The following SLC4A4 variants were observed in gnomAD, a reference collection of about 807,000 sequenced individuals.
SLC4A4 encodes electrogenic sodium bicarbonate cotransporter 1.
SLC4A4 carries 27 observed loss-of-function variants against 111.5 expected under a neutral mutation model. The observed-to-expected ratio is 0.24, with a 90% confidence interval of 0.18 to 0.33. The LOEUF (loss-of-function observed/expected upper bound fraction) is 0.33. Among genes scored for constraint, SLC4A4 ranks in the 10% least tolerant of loss-of-function variants. SLC4A4 has a pLI of 1.00. For synonymous variants in SLC4A4, 443 were observed against 463.4 expected (o/e 0.96, Z 0.57); for missense variants, 909 against 1,315.5 (o/e 0.69, Z 4.78).
intron 14 of SLC4A4, among the ~76,000 whole-genome samples, chr4:71,478,623 G>A (rs1024109720): frequency 1.3e-5 from 2 of 151,800 alleles, no homozygotes; most frequent in East Asian, 3.9e-4. Context: ...TTGGGGGCAA[G>A]GGGAGGGAGA....
At chr4:71,250,755 A>G (rs1208613799) in intron 2 of SLC4A4, among the ~76,000 whole-genome samples, 3 of 152,206 alleles carry the variant, frequency 2.0e-5, no homozygotes, top group Non-Finnish European at 2.9e-5. Flanking sequence ...AATTTATGAT[A>G]TAAATATAGT....
chr4:71,538,555 T>C (rs529996811), intron 18 of SLC4A4, among the ~76,000 whole-genome samples: 1 of 152,272 alleles, frequency 6.6e-6, no homozygotes, highest in South Asian at 2.1e-4. Context: ...AGCTGTGGAA[T>C]ATGAACACTG....
At chr4:71,307,803 C>T (rs1459974825) in intron 3 of SLC4A4, among the ~76,000 whole-genome samples, 1 of 152,138 alleles carries the variant, frequency 6.6e-6, no homozygotes, top group Non-Finnish European at 1.5e-5. Context: ...GAAGTATTCT[C>T]AAGGTGTGTG....
At chr4:71,144,073 G>A (rs992114171) in intron 2 of SLC4A4, among the ~76,000 whole-genome samples, 5 of 152,126 alleles carry the variant, frequency 3.3e-5, no homozygotes, top group Admixed American at 6.6e-5. Context: ...GGTTTTTATG[G>A]TTTTAGGTCT....
intron 9 of SLC4A4, 66 bp downstream of exon 9, chr4:71,447,799 C>G: frequency 9.9e-7 from 1 of 1,008,042 alleles, no homozygotes; most frequent in Non-Finnish European, 1.6e-6. Flanking sequence ...TGTGAATTGG[C>G]TGTCACAATT....
intron 15 of SLC4A4, among the ~76,000 whole-genome samples, chr4:71,494,608 C>T (rs1243868100): frequency 6.6e-6 from 1 of 152,000 alleles, no homozygotes; most frequent in Non-Finnish European, 1.5e-5. Context: ...AGCCACCATG[C>T]CAGTACTGTC....
intron 1 of SLC4A4, among the ~76,000 whole-genome samples, chr4:71,231,938 G>A (rs540437477): frequency 6.6e-6 from 1 of 152,262 alleles, no homozygotes; most frequent in Admixed American, 6.5e-5. Flanking sequence ...GGTGGGGAGG[G>A]ACACGAACCC....
chr4:71,240,292 T>C (rs1324147388), intron 2 of SLC4A4, among the ~76,000 whole-genome samples: 1 of 152,146 alleles, frequency 6.6e-6, no homozygotes, highest in Non-Finnish European at 1.5e-5. Context: ...CTCCACCTTA[T>C]CCTTTGAGAT....
At position 71,290,913 on chromosome 4, in the gene SLC4A4, G is replaced by T. The variant is rs10938139; in HGVS notation, c.253+35514G>T. 1.1e-3 allele frequency among the ~76,000 whole-genome samples: 167 copies of T among 152,260 alleles called. 1 individual carries two copies. In the South Asian group the frequency reaches 0.012, roughly 11 times the overall value. ...TGGTTTATGTTAATGAATTAGCTTG[G>T]AGTATTTGTCAGAGATGTTGAGTTG... is the stretch of plus-strand genomic sequence containing the variant. On this transcript the variant is annotated intron_variant, in intron 3 of 25. Coordinates refer to ENST00000264485, the MANE Select transcript of SLC4A4 (RefSeq NM_001098484.3).
intron 12 of SLC4A4, among the ~76,000 whole-genome samples, chr4:71,459,454 T>G (rs564875170): frequency 6.6e-6 from 1 of 152,148 alleles, no homozygotes; most frequent in African/African-American, 2.4e-5. Context: ...TACAGATAGA[T>G]TGACATAAAG....
intron 2 of SLC4A4, among the ~76,000 whole-genome samples, chr4:71,176,803 C>A (rs1432558402): frequency 6.6e-6 from 1 of 152,118 alleles, no homozygotes; most frequent in Non-Finnish European, 1.5e-5. Flanking sequence ...GGCAGGCCAA[C>A]ATTCAAATTC....
chr4:71,297,936 T>C (rs1348128384), intron 3 of SLC4A4, among the ~76,000 whole-genome samples: 1 of 152,170 alleles, frequency 6.6e-6, no homozygotes, highest in Non-Finnish European at 1.5e-5. Context: ...AATACATTCA[T>C]TTCCTTTGGC....
At position 71,489,723 on chromosome 4, in the gene SLC4A4, C is replaced by T. The variant is rs191862428; in HGVS notation, c.1974+2705C>T. On this transcript the variant is annotated intron_variant, in intron 15 of 25. Transcript: ENST00000264485. The stretch of plus-strand genomic sequence containing the variant: ...CCTATCCTGAACCTTTCCTAGGACA[C>T]ACAGTCATCAGGACTTAATTTTCCT... Among the ~76,000 whole-genome samples the T allele has an allele frequency of 1.6e-3, 242 of 151,752 alleles. 1 individual carries two copies. Among genetic ancestry groups the T allele is most frequent in the African/African-American group, 5.6e-3 (234 of 41,468 alleles).
intron 6 of SLC4A4, among the ~76,000 whole-genome samples, chr4:71,378,982 C>T (rs1192247818): frequency 3.3e-5 from 5 of 152,184 alleles, no homozygotes; most frequent in Non-Finnish European, 5.9e-5. Context: ...TGCCATTTTA[C>T]TTCTGATTTA....
chr4:71,214,614 C>T (rs1718316457), intron 1 of SLC4A4, among the ~76,000 whole-genome samples: 2 of 152,060 alleles, frequency 1.3e-5, no homozygotes, highest in South Asian at 2.1e-4. Flanking sequence ...TTGCTGTGTA[C>T]TTAAATTGAT....
intron 14 of SLC4A4, chr4:71,473,284 A>G (rs186362895): frequency 4.2e-5 from 25 of 601,096 alleles, no homozygotes; most frequent in Admixed American, 2.9e-4. Flanking sequence ...GGAAACCTGG[A>G]TACATGTATT....
At chr4:71,422,478 C>A (rs1722630995) in intron 7 of SLC4A4, among the ~76,000 whole-genome samples, 1 of 151,964 alleles carries the variant, frequency 6.6e-6, no homozygotes, top group South Asian at 2.1e-4. Flanking sequence ...TCCTCCCTAA[C>A]TCATTTTATG....
chr4:71,084,102 A>T (rs186121587), intron 1 of SLC4A4, among the ~76,000 whole-genome samples: 2 of 152,056 alleles, frequency 1.3e-5, no homozygotes, highest in East Asian at 3.9e-4. Flanking sequence ...CCATGAGCTT[A>T]TATGGAAGAC....
chr4:71,131,721 G>A (rs1743712458), intron 2 of SLC4A4, among the ~76,000 whole-genome samples: 1 of 152,280 alleles, frequency 6.6e-6, no homozygotes, highest in South Asian at 2.1e-4. Flanking sequence ...TTTCTGGACA[G>A]TGGTAAAACA....
Sources: gnomAD v4.1 joint callset for allele counts (sites outside exome capture counted in the v4.1 genomes callset) on GRCh38, gnomAD v4.1.1 for gene constraint, MANE v1.5 for transcripts, NCBI Gene and HGNC (gene_info 2026-07-23, HGNC 2026-07-21) for gene names.